ALK: variants seen among roughly 807,000 people sequenced by gnomAD.
ALK encodes the protein ALK tyrosine kinase receptor.
Under a neutral mutation model 163.1 loss-of-function variants are expected in ALK, and 74 were observed. That is an observed-to-expected ratio of 0.45 (90% CI 0.38 to 0.55). The LOEUF (loss-of-function observed/expected upper bound fraction) is 0.55. Among genes scored for constraint, ALK ranks in the 20% least tolerant of loss-of-function variants. The probability of loss-of-function intolerance (pLI) is 0.00; values close to 1 mark genes in which losing one functional copy is unlikely to be tolerated. For synonymous variants in ALK, 960 were observed against 843.2 expected, an observed-to-expected ratio of 1.14 and a Z score of -2.40; for missense variants, 2,063 against 2,105.3, an observed-to-expected ratio of 0.98 and a Z score of 0.39.
rs142509725 is a variant in ALK, at chr2:29,246,904, C to T, written c.2204+4201G>A. ...GCGAGAGGCCTTTTGGGGGGTAACA[C>T]TGCAGCCCCAGGACCTGGCCCTGCT... is the stretch of plus-strand genomic sequence containing the variant. On this transcript the variant is annotated intron_variant, in intron 12 of 28. Coordinates refer to ENST00000389048, the MANE Select transcript of ALK (RefSeq NM_004304.5). This position sits in a 1 kb window ranked among gnomAD's most constrained non-coding sequence, Gnocchi z 4.3. Among the ~76,000 whole-genome samples the T allele has an allele frequency of 6.6e-6, 1 of 152,338 alleles. No individual in the cohort carries two copies. The highest frequency in any genetic ancestry group is 1.9e-4 in the East Asian group (1 of 5,174).
chr2:29,220,272 C>T (rs747085756), intron 23 of ALK, among the ~76,000 whole-genome samples: 4 of 152,090 alleles, frequency 2.6e-5, no homozygotes, highest in Admixed American at 2.0e-4. Context: ...AAGTGTACAG[C>T]GCTTCCCCCT....
At chr2:29,738,692 T>A (rs980108923) in intron 1 of ALK, among the ~76,000 whole-genome samples, 2 of 152,054 alleles carry the variant, frequency 1.3e-5, no homozygotes, top group African/African-American at 4.8e-5. Flanking sequence ...TTGTTTACCC[T>A]CTATAGAGAC....
At position 29,193,405 on chromosome 2, in the gene ALK, G is replaced by C. The variant is rs1209157216; in HGVS notation, c.4682C>G (p.Ser1561Trp). 1 of 1,614,114 alleles carries C rather than the reference G, an allele frequency of 6.2e-7. No individual in the cohort carries two copies. The highest frequency in any genetic ancestry group is 8.5e-7 in the Non-Finnish European group (1 of 1,180,050). ...PGASLLLEPS[S>W]LTANMKEVPL... ...TACCTCCTTCATATTGGCAGTCAGC[G>C]AAGAGGGCTCTAGGAGCAGTGAGGC... Residue 1561 changes from serine (S) to tryptophan (W), a missense_variant, in exon 29 of 29, where the codon TCG becomes TGG. This residue lies in a region of ALK where 403 missense variants were observed against 366.2 expected (regional missense o/e 1.10). Transcript: ENST00000389048.
intron 3 of ALK, among the ~76,000 whole-genome samples, chr2:29,662,308 C>T (rs577994914): frequency 6.6e-6 from 1 of 152,170 alleles, no homozygotes; most frequent in Non-Finnish European, 1.5e-5. Flanking sequence ...ACCTCCAATT[C>T]TGCACCTTGT....
intron 3 of ALK, among the ~76,000 whole-genome samples, chr2:29,559,790 T>C (rs1048478143): frequency 2.1e-4 from 30 of 142,490 alleles, no homozygotes; most frequent in Admixed American, 5.6e-4. Flanking sequence ...TGTGTGTGTG[T>C]GTGTGTGTGT....
At chr2:29,812,912 T>C (rs1664794074) in intron 1 of ALK, among the ~76,000 whole-genome samples, 1 of 152,164 alleles carries the variant, frequency 6.6e-6, no homozygotes, top group Non-Finnish European at 1.5e-5. Context: ...CACACACACA[T>C]ACACATCTCC....
At chr2:29,451,290 T>C (rs1218905902) in intron 4 of ALK, among the ~76,000 whole-genome samples, 4 of 152,176 alleles carry the variant, frequency 2.6e-5, no homozygotes, top group Non-Finnish European at 4.4e-5. Context: ...CCACTTCATA[T>C]GCTGCACACT....
chr2:29,919,340 C>A (rs1293982030), intron 1 of ALK, among the ~76,000 whole-genome samples: 1 of 152,072 alleles, frequency 6.6e-6, no homozygotes, highest in Non-Finnish European at 1.5e-5. Context: ...CTCCACACCT[C>A]CCTCCTGTCC....
intron 4 of ALK, among the ~76,000 whole-genome samples, chr2:29,449,314 G>A (rs1670765303): frequency 6.6e-6 from 1 of 152,180 alleles, no homozygotes; most frequent in African/African-American, 2.4e-5. Flanking sequence ...TCCTCTGGGG[G>A]TCTACAGGAA....
intron 23 of ALK, among the ~76,000 whole-genome samples, chr2:29,214,461 A>G (rs150357653): frequency 5.3e-4 from 80 of 152,302 alleles, no homozygotes; most frequent in Non-Finnish European, 1.0e-3. Flanking sequence ...AATACCCCCA[A>G]TTTATAAACA....
chr2:29,679,549 A>T (rs929291519), intron 3 of ALK, among the ~76,000 whole-genome samples: 1 of 151,682 alleles, frequency 6.6e-6, no homozygotes, highest in African/African-American at 2.4e-5. Flanking sequence ...ATCACAGTCT[A>T]TTTAAGATTA....
chr2:29,236,584 G>A (rs182309789), intron 13 of ALK, among the ~76,000 whole-genome samples: 3 of 152,264 alleles, frequency 2.0e-5, no homozygotes, highest in African/African-American at 7.2e-5. Context: ...TTTAGATCAG[G>A]TGGGGGTGGG....
At chr2:29,871,093 C>A (rs561952264) in intron 1 of ALK, among the ~76,000 whole-genome samples, 1 of 152,144 alleles carries the variant, frequency 6.6e-6, no homozygotes, top group East Asian at 1.9e-4. Context: ...CTGGTCAACA[C>A]GCATGAACCT....
At chr2:29,359,118 A>C (rs532245954) in intron 5 of ALK, among the ~76,000 whole-genome samples, 7 of 152,120 alleles carry the variant, frequency 4.6e-5, no homozygotes, top group Non-Finnish European at 1.0e-4. Flanking sequence ...AAAAAAACTA[A>C]AAAAGAGAAT....
chr2:29,620,982 A>G (rs1340946969), intron 3 of ALK, among the ~76,000 whole-genome samples: 1 of 152,150 alleles, frequency 6.6e-6, no homozygotes, highest in African/African-American at 2.4e-5. Flanking sequence ...GCCTCCAGGG[A>G]GAGTTGAATA....
At chr2:29,739,331 G>A (rs998168092) in intron 1 of ALK, among the ~76,000 whole-genome samples, 3 of 150,804 alleles carry the variant, frequency 2.0e-5, no homozygotes, top group East Asian at 1.9e-4. Flanking sequence ...AGCCCAAGGC[G>A]GGTAGATCAC....
chr2:29,493,218 G>T (rs560254613), intron 4 of ALK, among the ~76,000 whole-genome samples: 5 of 152,316 alleles, frequency 3.3e-5, no homozygotes, highest in Admixed American at 3.3e-4. Context: ...ACACTGGGAT[G>T]AAGACTGGAT....
At chr2:29,834,835 C>CT (rs1448336188) in intron 1 of ALK, among the ~76,000 whole-genome samples, 2 of 152,182 alleles carry the variant, frequency 1.3e-5, no homozygotes, top group African/African-American at 4.8e-5. Context: ...CCTGATCTGC[C>CT]TTCAGCACTA....
chr2:29,803,624 T>C (rs1236297490), intron 1 of ALK, among the ~76,000 whole-genome samples: 1 of 152,228 alleles, frequency 6.6e-6, no homozygotes. Flanking sequence ...ATCCATCACA[T>C]GGCAATTGTC....
Sources: gnomAD v4.1 joint callset for allele counts (sites outside exome capture counted in the v4.1 genomes callset) on GRCh38, gnomAD v4.1.1 for gene constraint, gnomAD v4.1.1 regional missense constraint, Gnocchi (gnomAD v3.1) non-coding constraint, MANE v1.5 for transcripts, NCBI Gene and HGNC (gene_info 2026-07-23, HGNC 2026-07-21) for gene names.